KHDRBS2: variants seen among roughly 807,000 people sequenced by gnomAD.
KHDRBS2 encodes the protein KH domain-containing, RNA-binding, signal transduction-associated protein 2.
A neutral mutation model predicts 44.3 loss-of-function variants in KHDRBS2; 26 were observed. The observed-to-expected ratio is 0.59, with a 90% confidence interval of 0.43 to 0.81. The LOEUF is 0.81. Among genes scored for constraint, KHDRBS2 ranks in the 40% least tolerant of loss-of-function variants. The pLI is 0.00. For synonymous variants in KHDRBS2, 194 were observed against 151.1 expected, an observed-to-expected ratio of 1.28 and a Z score of -2.08; for missense variants, 476 against 433.1, an observed-to-expected ratio of 1.10 and a Z score of -0.88.
chr6:62,129,212 T>G (rs1809680961), intron 2 of KHDRBS2, among the ~76,000 whole-genome samples: 1 of 152,138 alleles, frequency 6.6e-6, no homozygotes, highest in Admixed American at 6.5e-5. Flanking sequence ...TTTACAAGTT[T>G]ATTAAAACCC....
intron 1 of KHDRBS2, among the ~76,000 whole-genome samples, chr6:62,248,862 A>G (rs1166767083): frequency 6.6e-6 from 1 of 152,152 alleles, no homozygotes; most frequent in Non-Finnish European, 1.5e-5. Flanking sequence ...AGCGAAGTCA[A>G]CAAACATAGA....
At chr6:61,948,530 A>G (rs1350917143) in intron 4 of KHDRBS2, among the ~76,000 whole-genome samples, 1 of 151,996 alleles carries the variant, frequency 6.6e-6, no homozygotes, top group East Asian at 1.9e-4. Flanking sequence ...ACCTCTGAGC[A>G]AGTTACCTAA....
At chr6:62,261,085 T>C (rs1838257843) in intron 1 of KHDRBS2, among the ~76,000 whole-genome samples, 1 of 151,880 alleles carries the variant, frequency 6.6e-6, no homozygotes. Flanking sequence ...CAGCTTTTAA[T>C]GTGAAAAACT....
At chr6:61,945,717 A>T (rs1388754397) in intron 4 of KHDRBS2, among the ~76,000 whole-genome samples, 1 of 152,030 alleles carries the variant, frequency 6.6e-6, no homozygotes, top group Non-Finnish European at 1.5e-5. Context: ...AAGTAAATAG[A>T]AATGTCTTAG....
At chr6:61,831,384 G>A (rs1222498371) in intron 6 of KHDRBS2, among the ~76,000 whole-genome samples, 1 of 151,784 alleles carries the variant, frequency 6.6e-6, no homozygotes, top group African/African-American at 2.4e-5. Flanking sequence ...TGGCATTTTA[G>A]CATTAAGTTT....
chr6:61,600,316 A>T, the KHDRBS2 span, among the ~76,000 whole-genome samples: 1 of 152,114 alleles, frequency 6.6e-6, no homozygotes, highest in Non-Finnish European at 1.5e-5. Context: ...AACTGATGAC[A>T]GTCCACCACA....
the KHDRBS2 span, among the ~76,000 whole-genome samples, chr6:61,605,634 C>A: frequency 2.6e-5 from 4 of 152,106 alleles, no homozygotes; most frequent in Middle Eastern, 0.014. Flanking sequence ...ACAATATCAC[C>A]CCTTACCACA....
chr6:61,805,109 T>G (rs1175673571), intron 6 of KHDRBS2, among the ~76,000 whole-genome samples: 1 of 152,190 alleles, frequency 6.6e-6, no homozygotes, highest in East Asian at 1.9e-4. Context: ...TACATAAAAC[T>G]GAATGCTTTT....
intron 1 of KHDRBS2, among the ~76,000 whole-genome samples, chr6:62,203,970 T>G (rs1394135440): frequency 2.0e-5 from 3 of 152,076 alleles, no homozygotes; most frequent in Non-Finnish European, 4.4e-5. Flanking sequence ...ACATGAGAGC[T>G]GGTTGTTAAA....
intron 6 of KHDRBS2, among the ~76,000 whole-genome samples, chr6:61,767,447 T>C (rs9362868): frequency 0.77 from 116,528 of 151,936 alleles, 45,332 homozygotes; most frequent in African/African-American, 0.89. Context: ...GAGTTTAGTG[T>C]ATTTACATTC....
At chr6:62,267,840 A>C (rs1839450232) in intron 1 of KHDRBS2, among the ~76,000 whole-genome samples, 1 of 152,058 alleles carries the variant, frequency 6.6e-6, no homozygotes, top group South Asian at 2.1e-4. Flanking sequence ...ACATTCATAC[A>C]CAAAATATTT....
At chr6:61,634,067 G>A in the KHDRBS2 span, among the ~76,000 whole-genome samples, 1 of 152,018 alleles carries the variant, frequency 6.6e-6, no homozygotes, top group Non-Finnish European at 1.5e-5. Context: ...AGCTACGTAT[G>A]CTTTAAGTCT....
intron 1 of KHDRBS2, among the ~76,000 whole-genome samples, chr6:62,246,620 A>G (rs1201183178): frequency 6.6e-6 from 1 of 152,096 alleles, no homozygotes; most frequent in African/African-American, 2.4e-5. Context: ...AGAAAGACAT[A>G]GAGCCATTTT....
chr6:62,058,915 T>C (rs1372148780), intron 2 of KHDRBS2, among the ~76,000 whole-genome samples: 1 of 151,788 alleles, frequency 6.6e-6, no homozygotes, highest in Non-Finnish European at 1.5e-5. Context: ...TGGACATATT[T>C]GTATAAAATA....
At chr6:61,969,790 T>C (rs1469463020) in intron 4 of KHDRBS2, among the ~76,000 whole-genome samples, 1 of 152,000 alleles carries the variant, frequency 6.6e-6, no homozygotes, top group African/African-American at 2.4e-5. Context: ...GGTGAAATTA[T>C]TATATGAATT....
At chr6:61,882,423 A>T (rs1800334206) in intron 6 of KHDRBS2, among the ~76,000 whole-genome samples, 1 of 151,992 alleles carries the variant, frequency 6.6e-6, no homozygotes, top group Admixed American at 6.6e-5. Context: ...GCCCATCAGG[A>T]TATTCTCCAT....
chr6:61,689,068 A>G (rs1030272788), intron 8 of KHDRBS2, among the ~76,000 whole-genome samples: 3 of 151,930 alleles, frequency 2.0e-5, no homozygotes, highest in African/African-American at 7.2e-5. Flanking sequence ...TATCATGTCT[A>G]TACAATGAAA....
the KHDRBS2 span, among the ~76,000 whole-genome samples, chr6:61,669,338 C>T: frequency 6.6e-6 from 1 of 150,810 alleles, no homozygotes; most frequent in Non-Finnish European, 1.5e-5. Flanking sequence ...CTGACTCTTT[C>T]ATTGTAAACA....
At chr6:61,970,915 G>A (rs1221219921) in intron 4 of KHDRBS2, among the ~76,000 whole-genome samples, 2 of 152,138 alleles carry the variant, frequency 1.3e-5, no homozygotes, top group African/African-American at 4.8e-5. Flanking sequence ...GGGAGGAGAA[G>A]AGTTTTGTAT....
Sources: gnomAD v4.1 joint callset for allele counts (sites outside exome capture counted in the v4.1 genomes callset) on GRCh38, gnomAD v4.1.1 for gene constraint, MANE v1.5 for transcripts, NCBI Gene and HGNC (gene_info 2026-07-23, HGNC 2026-07-21) for gene names.